SBSPON: variants seen among roughly 807,000 people sequenced by gnomAD.
The protein encoded by SBSPON is somatomedin B and thrombospondin type 1 domain containing.
In SBSPON, 30 loss-of-function variants were observed where a neutral mutation model predicts 35.8. That is an observed-to-expected ratio of 0.84 (90% CI 0.63 to 1.14). The LOEUF (loss-of-function observed/expected upper bound fraction) is 1.14, where lower values mean the gene tolerates loss of function less well. SBSPON is among the 50% of genes most tolerant of loss of function. The pLI, the probability that SBSPON is intolerant of heterozygous loss-of-function variation, is 0.00. For missense variants in SBSPON, 364 were observed against 357.7 expected, an observed-to-expected ratio of 1.02 and a Z score of -0.14; for synonymous variants, 136 against 135.9, an observed-to-expected ratio of 1.00 and a Z score of 0.00.
At chr8:73,072,526 G>A (rs144469055) in intron 2 of SBSPON, among the ~76,000 whole-genome samples, 2,023 of 152,102 alleles carry the variant, frequency 0.013, 51 homozygotes, top group African/African-American at 0.046. Context: ...AAAATTAGCC[G>A]GGCGTGGTGG....
intron 2 of SBSPON, among the ~76,000 whole-genome samples, chr8:73,080,116 C>A (rs1374493992): frequency 6.6e-6 from 1 of 152,104 alleles, no homozygotes; most frequent in Non-Finnish European, 1.5e-5. Context: ...TGAGCCGATT[C>A]CTGGCCCCTC....
intron 1 of SBSPON, among the ~76,000 whole-genome samples, chr8:73,090,886 T>C (rs1307121917): frequency 6.6e-6 from 1 of 152,064 alleles, no homozygotes; most frequent in Non-Finnish European, 1.5e-5. Context: ...AAATCCCCAC[T>C]CCAAAACCAT....
intron 2 of SBSPON, among the ~76,000 whole-genome samples, chr8:73,079,216 A>G (rs187156262): frequency 6.6e-6 from 1 of 152,148 alleles, no homozygotes; most frequent in African/African-American, 2.4e-5. Context: ...TCAGACCCCA[A>G]GATGCTGCTG....
intron 1 of SBSPON, among the ~76,000 whole-genome samples, chr8:73,081,553 T>C (rs1275046618): frequency 6.6e-6 from 1 of 152,188 alleles, no homozygotes; most frequent in Non-Finnish European, 1.5e-5. Flanking sequence ...ATATTTGCTT[T>C]TGTTTTTCCT....
chr8:73,081,943 T>G (rs961463122), intron 1 of SBSPON, among the ~76,000 whole-genome samples: 4 of 152,144 alleles, frequency 2.6e-5, no homozygotes, highest in Admixed American at 2.0e-4. Context: ...GGAGTCTTGT[T>G]TGTGCTGTTG....
At chr8:73,069,030 G>A (rs1202577243) in intron 4 of SBSPON, among the ~76,000 whole-genome samples, 2 of 152,140 alleles carry the variant, frequency 1.3e-5, no homozygotes, top group Non-Finnish European at 2.9e-5. Context: ...TTGTCACAGA[G>A]ACCACACAGC....
At position 73,067,470 on chromosome 8, in the gene SBSPON, T is replaced by C. The variant is rs763879721; in HGVS notation, c.678-12A>G. On this transcript the variant is annotated splice_polypyrimidine_tract_variant and intron_variant, in intron 4 of 4. Coordinates refer to ENST00000297354, the MANE Select transcript of SBSPON (RefSeq NM_153225.4). ...GGAGAGTCTGATTTCTGAAACGATA[T>C]TTCGAAAGTGTTAGTTACACTAAAA... 4 of 1,491,500 alleles carry C rather than the reference T, an allele frequency of 2.7e-6. No homozygotes were observed. Among genetic ancestry groups the C allele is most frequent in the African/African-American group, 2.8e-5 (2 of 71,846 alleles). The allele number at this position is 1,491,500 out of a possible 1,614,324, so 92.4% of individuals were successfully genotyped here.
At position 73,078,942 on chromosome 8, in the gene SBSPON, G is replaced by A. The variant is rs567038286; in HGVS notation, c.409+2077C>T. Among the ~76,000 whole-genome samples the A allele has an allele frequency of 5.3e-5, 8 of 152,120 alleles. No homozygotes were observed. In the South Asian group the frequency reaches 1.0e-3, roughly 20 times the overall value. On this transcript the variant is annotated intron_variant, in intron 2 of 4. Transcript: ENST00000297354. Reference sequence around the variant, plus strand: ...ATCCCAAATAGGGTGTTCTCTGTGCGCCCCACATGCCGACCTTCCTTTGCC... The same window carrying A: ...ATCCCAAATAGGGTGTTCTCTGTGCACCCCACATGCCGACCTTCCTTTGCC...
chr8:73,069,516 C>A (rs1452520227), intron 4 of SBSPON, among the ~76,000 whole-genome samples: 7 of 152,088 alleles, frequency 4.6e-5, no homozygotes, highest in Non-Finnish European at 2.9e-5. Flanking sequence ...GCAGTCTACC[C>A]ACCTCGGCCT....
At chr8:73,075,692 A>G in intron 2 of SBSPON, 1 of 417,304 alleles carries the variant, frequency 2.4e-6, no homozygotes, top group Non-Finnish European at 3.2e-6. Flanking sequence ...AGAATTTCAT[A>G]ACGCCCTCTG....
chr8:73,067,173 A>G lies in SBSPON; in HGVS notation c.*168T>C. The G allele has an allele frequency of 2.0e-6, 1 of 508,042 alleles. No homozygotes were observed. Among genetic ancestry groups the G allele is most frequent in the Admixed American group, 3.2e-5 (1 of 31,446 alleles). The allele number at this position is 508,042 out of a possible 1,614,324, so 31.5% of individuals were successfully genotyped here. A position where few individuals can be genotyped will look rare whatever the true frequency, so the allele number is the denominator to read the frequency against. On this transcript the variant is annotated 3_prime_UTR_variant, in exon 5 of 5. Coordinates refer to ENST00000297354, the MANE Select transcript of SBSPON (RefSeq NM_153225.4). ...AACTTAGTTAAAATAAAAATAAAGGACCTGTGTTCCTTGAGAACTGGCCCC... is the reference window on the plus strand; with the variant it reads ...AACTTAGTTAAAATAAAAATAAAGGGCCTGTGTTCCTTGAGAACTGGCCCC...
In SBSPON at chr8:73,064,630, C is replaced by G; in HGVS notation, c.*2711G>C. 1 of 152,162 alleles carries G rather than the reference C, an allele frequency of 6.6e-6. No homozygotes were observed. 9.4% of individuals were successfully genotyped at this position (152,162 alleles called of 1,614,324 possible). On this transcript the variant is annotated 3_prime_UTR_variant, in exon 5 of 5. Coordinates refer to ENST00000297354, the MANE Select transcript of SBSPON (RefSeq NM_153225.4). ...CTGAAATTTTTATGCCAGATGATAA[C>G]CAAACACTTTAAATTATTGCTGTTG...
At chr8:73,090,237 A>T (rs1810905591) in intron 1 of SBSPON, among the ~76,000 whole-genome samples, 1 of 152,260 alleles carries the variant, frequency 6.6e-6, no homozygotes, top group Admixed American at 6.5e-5. Flanking sequence ...CTCCAAAGTC[A>T]CAAAGCCAAA....
rs747639657 is a variant in SBSPON, at chr8:73,071,861, A to G, written c.419T>C (p.Phe140Ser). 12 of 1,605,742 alleles carry G rather than the reference A, an allele frequency of 7.5e-6. No individual in the cohort carries two copies. The highest frequency in any genetic ancestry group is 1.0e-5 in the Non-Finnish European group (12 of 1,172,384). ...CTTGTTGAATGCAGAGGTAGTTATA[A>G]AGGCAGGAACTGGAAAAGGGAGATT... is the stretch of plus-strand genomic sequence containing the variant. ...QDCGHTYVPA[F>S]ITTSAFNKER... Residue 140 changes from phenylalanine (F) to serine (S), a missense_variant, in exon 3 of 5, where the codon TTT (phenylalanine) becomes TCT (serine). Phe to Ser is a radical substitution (Grantham distance 155). Coordinates refer to ENST00000297354, the MANE Select transcript of SBSPON (RefSeq NM_153225.4).
chr8:73,067,889 A>C (rs192999329), intron 4 of SBSPON, among the ~76,000 whole-genome samples: 68 of 150,690 alleles, frequency 4.5e-4, no homozygotes, highest in Admixed American at 7.3e-4. Flanking sequence ...TCCCTTGTTT[A>C]GTTTCTGTCA....
intron 2 of SBSPON, among the ~76,000 whole-genome samples, chr8:73,072,773 A>T (rs1810521656): frequency 6.6e-6 from 1 of 152,192 alleles, no homozygotes; most frequent in Admixed American, 6.5e-5. Flanking sequence ...CCCACCACAT[A>T]GTATCAATGT....
At chr8:73,069,338 G>T (rs1810448688) in intron 4 of SBSPON, among the ~76,000 whole-genome samples, 1 of 151,918 alleles carries the variant, frequency 6.6e-6, no homozygotes, top group Non-Finnish European at 1.5e-5. Context: ...ATGCCAGAGT[G>T]CAGTGGTGCA....
intron 1 of SBSPON, chr8:73,083,647 T>C (rs1267318144): frequency 6.6e-6 from 1 of 152,254 alleles, no homozygotes; most frequent in Non-Finnish European, 1.5e-5. Flanking sequence ...CTAGCTTATC[T>C]AACTCACATC....
Position 73,069,574 on chromosome 8 carries a change from A to G in SBSPON, c.677+231T>C, listed in dbSNP as rs541455833. On this transcript the variant is annotated intron_variant, in intron 4 of 4. Transcript: ENST00000297354. ...CATGAGCCACCACTCCCAGCCCCCAATGTCCAAATGGACCCATATTAACTG... is the reference window on the plus strand; with the variant it reads ...CATGAGCCACCACTCCCAGCCCCCAGTGTCCAAATGGACCCATATTAACTG... Among the ~76,000 whole-genome samples the G allele has an allele frequency of 1.4e-4, 21 of 152,194 alleles. 1 individual carries two copies. In the South Asian group the frequency reaches 2.5e-3, roughly 18 times the overall value.
Sources: gnomAD v4.1 joint callset for allele counts (sites outside exome capture counted in the v4.1 genomes callset) on GRCh38, gnomAD v4.1.1 for gene constraint, MANE v1.5 for transcripts, NCBI Gene and HGNC (gene_info 2026-07-23, HGNC 2026-07-21) for gene names.